Variants in BRD3 observed in about 807,000 individuals in gnomAD.
BRD3 encodes bromodomain-containing protein 3.
In BRD3, 17 loss-of-function variants were observed where a neutral mutation model predicts 66.8. That is an observed-to-expected ratio of 0.25 (90% CI 0.17 to 0.38). The LOEUF is 0.38. Among genes scored for constraint, BRD3 ranks in the 10% least tolerant of loss-of-function variants. The probability of loss-of-function intolerance (pLI) is 1.00; values close to 1 mark genes in which losing one functional copy is unlikely to be tolerated. For missense variants in BRD3, 713 were observed against 956.1 expected (o/e 0.75, Z 3.35); for synonymous variants, 421 against 393.2 (o/e 1.07, Z -0.84).
At chr9:134,044,985 A>G (rs1240880552) in intron 7 of BRD3, among the ~76,000 whole-genome samples, 2 of 152,222 alleles carry the variant, frequency 1.3e-5, no homozygotes, top group Non-Finnish European at 2.9e-5. Context: ...CGCAAGAGAA[A>G]GAGCATCTGC....
Position 134,041,672 on chromosome 9 carries a change from G to A in BRD3, c.1407+88C>T. 2.0e-6 allele frequency: 3 copies of A among 1,472,940 alleles called. No individual in the cohort carries two copies. The African/African-American group carries it at 4.2e-5, about 20-fold the overall frequency. 91.2% of individuals were successfully genotyped at this position (1,472,940 alleles called of 1,614,324 possible). ...CTGCTGAGGGACAGGGGCAGAGGAA[G>A]GAACCATGCAAAGGGACGGACCTTG... On this transcript the variant is annotated intron_variant, in intron 8 of 11. Transcript: ENST00000303407.
chr9:134,052,503 C>T, intron 2 of BRD3, 60 bp from the exon 3 acceptor site: 1 of 1,551,442 alleles, frequency 6.4e-7, no homozygotes, highest in South Asian at 1.2e-5. Context: ...TTTCACAATT[C>T]CCAAGTGGAC....
Position 134,033,717 on chromosome 9 carries a change from T to C in BRD3, c.2066-12A>G, listed in dbSNP as rs771828431. On this transcript the variant is annotated splice_polypyrimidine_tract_variant and intron_variant, in intron 11 of 11. Transcript: ENST00000303407. This position sits in a 1 kb window ranked among gnomAD's most constrained non-coding sequence, Gnocchi z 5.1. ...TGAGCCGGGCTTCTCTGTGGAGACATGGGCAGGGAGATGCGCTCGCACACC... is the reference window on the plus strand; with the variant it reads ...TGAGCCGGGCTTCTCTGTGGAGACACGGGCAGGGAGATGCGCTCGCACACC... 22 of 723,236 alleles carry C rather than the reference T, an allele frequency of 3.0e-5. No individual in the cohort carries two copies. Among genetic ancestry groups the C allele is most frequent in the Admixed American group, 1.9e-4 (10 of 52,776 alleles). 44.8% of individuals were successfully genotyped at this position (723,236 alleles called of 1,614,324 possible). A position where few individuals can be genotyped will look rare whatever the true frequency, so the allele number is the denominator to read the frequency against.
intron 1 of BRD3, among the ~76,000 whole-genome samples, chr9:134,059,425 G>A (rs1830492427): frequency 6.6e-6 from 1 of 152,226 alleles, no homozygotes; most frequent in African/African-American, 2.4e-5. Context: ...GATGGACTCA[G>A]GTGGAGTGAC....
intron 7 of BRD3, among the ~76,000 whole-genome samples, chr9:134,044,954 G>A (rs560129969): frequency 1.3e-5 from 2 of 152,316 alleles, no homozygotes; most frequent in Non-Finnish European, 2.9e-5. Context: ...AAGACTTGCT[G>A]GAAACTACAG....
chr9:134,041,669 GA>G (rs1338393684), intron 8 of BRD3, 90 bp downstream of exon 8: 4 of 1,462,112 alleles, frequency 2.7e-6, no homozygotes, highest in Non-Finnish European at 3.7e-6. Flanking sequence ...AGGGGCAGAG[GA>G]AGGAACCATG....
intron 10 of BRD3, 99 bp downstream of exon 10, chr9:134,035,933 G>A: frequency 9.6e-6 from 14 of 1,464,174 alleles, no homozygotes; most frequent in Non-Finnish European, 1.3e-5. Flanking sequence ...GCAGCCCTGT[G>A]CCCAAGCTCG....
At chr9:134,047,419 C>T (rs1830195398) in intron 6 of BRD3, among the ~76,000 whole-genome samples, 1 of 152,204 alleles carries the variant, frequency 6.6e-6, no homozygotes, top group South Asian at 2.1e-4. Context: ...AGGGAAGACC[C>T]GGTGGAGCTC....
Position 134,051,364 on chromosome 9 carries a change from G to A in BRD3, c.499+198C>T, listed in dbSNP as rs550779572. Among the ~76,000 whole-genome samples, 21 of 152,286 alleles carry A rather than the reference G, an allele frequency of 1.4e-4. No homozygotes were observed. In the East Asian group the frequency reaches 3.1e-3, roughly 22 times the overall value. ...GGGCTCAAAGGCAGCCAGCTATGGC[G>A]TTAATGTCTTCCGTATCCCCGGGCC... On this transcript the variant is annotated intron_variant, in intron 4 of 11. Transcript: ENST00000303407.
Position 134,045,472 on chromosome 9 carries a change from C to A in BRD3, c.1087-51G>T. On this transcript the variant is annotated intron_variant, in intron 6 of 11. Coordinates refer to ENST00000303407, the MANE Select transcript of BRD3 (RefSeq NM_007371.4). The surrounding 1 kb of genome is among the most constrained non-coding windows in gnomAD (Gnocchi z 4.8). Reference sequence around the variant, plus strand: ...GTGAGCGTGGCCCGTGGCATCAGGACTCTCTGCCACACCCCACGAGATGAA... The same window carrying A: ...GTGAGCGTGGCCCGTGGCATCAGGAATCTCTGCCACACCCCACGAGATGAA... The A allele has an allele frequency of 6.2e-7, 1 of 1,609,042 alleles. No homozygotes were observed. Among genetic ancestry groups the A allele is most frequent in the Non-Finnish European group, 8.5e-7 (1 of 1,177,326 alleles).
At chr9:134,062,986 C>A (rs1289234653) in intron 1 of BRD3, among the ~76,000 whole-genome samples, 1 of 152,190 alleles carries the variant, frequency 6.6e-6, no homozygotes, top group African/African-American at 2.4e-5. Flanking sequence ...ACCTAGCATC[C>A]ATCTGTCTGC....
intron 1 of BRD3, among the ~76,000 whole-genome samples, chr9:134,066,360 T>C (rs1830652813): frequency 6.6e-6 from 1 of 152,168 alleles, no homozygotes; most frequent in Non-Finnish European, 1.5e-5. Context: ...CAGACCTTTA[T>C]TTGCAAATGA....
At chr9:134,050,244 G>A (rs988946364) in intron 5 of BRD3, 130 bp downstream of exon 5, 11 of 800,922 alleles carry the variant, frequency 1.4e-5, no homozygotes, top group African/African-American at 5.1e-5. Context: ...CTCCCAGGGC[G>A]CAGAGAGAAA....
At chr9:134,057,236 G>A (rs898164557) in intron 1 of BRD3, 2 of 152,234 alleles carry the variant, frequency 1.3e-5, no homozygotes, top group African/African-American at 2.4e-5. Context: ...AATCAGTGAT[G>A]GACTACGGTC....
intron 1 of BRD3, among the ~76,000 whole-genome samples, chr9:134,065,783 G>C (rs994811729): frequency 3.3e-5 from 5 of 152,174 alleles, no homozygotes; most frequent in African/African-American, 1.2e-4. Context: ...GCACTTCCTG[G>C]TGGCACCAGG....
intron 6 of BRD3, 31 bp downstream of exon 6, chr9:134,048,052 G>A: frequency 6.6e-7 from 1 of 1,526,238 alleles, no homozygotes; most frequent in Non-Finnish European, 8.8e-7. Flanking sequence ...CAGGACATGG[G>A]CAGAGCAGGG....
Position 134,051,511 on chromosome 9 carries a change from G to A in BRD3, c.499+51C>T, listed in dbSNP as rs375484628. 110 of 1,457,998 alleles carry A rather than the reference G, an allele frequency of 7.5e-5. No individual in the cohort carries two copies. The African/African-American group carries it at 1.0e-3, about 14-fold the overall frequency. 90.3% of individuals were successfully genotyped at this position (1,457,998 alleles called of 1,614,324 possible). On this transcript the variant is annotated intron_variant, in intron 4 of 11. Coordinates refer to ENST00000303407, the MANE Select transcript of BRD3 (RefSeq NM_007371.4). ...GGATCGCGTCCCAGCCCATCCACCC[G>A]TGGGCCTCTGCAGAGAGGCCCAGCC...
chr9:134,038,154 T>C (rs1276586236), intron 9 of BRD3, among the ~76,000 whole-genome samples: 1 of 152,164 alleles, frequency 6.6e-6, no homozygotes, highest in Non-Finnish European at 1.5e-5. Flanking sequence ...TTTCAAATCT[T>C]TTTTTTCTTT....
intron 1 of BRD3, among the ~76,000 whole-genome samples, chr9:134,066,991 C>T (rs926370936): frequency 2.6e-5 from 4 of 152,310 alleles, no homozygotes; most frequent in South Asian, 4.1e-4. Flanking sequence ...CCGGCCCTGC[C>T]CCCGAACGAG....
Sources: allele counts gnomAD v4.1 joint callset (sites outside exome capture counted in the v4.1 genomes callset), GRCh38; gene constraint gnomAD v4.1.1; non-coding constraint Gnocchi (gnomAD v3.1); transcripts MANE v1.5; gene names NCBI Gene and HGNC (gene_info 2026-07-23, HGNC 2026-07-21).